SLC38A9: variants seen among roughly 807,000 people sequenced by gnomAD.
SLC38A9 encodes the protein solute carrier family 38 member 9.
SLC38A9 carries 48 observed loss-of-function variants against 62.3 expected under a neutral mutation model. The observed-to-expected ratio is 0.77, with a 90% CI of 0.61 to 0.98. SLC38A9 has a LOEUF of 0.98. Ranked by LOEUF, SLC38A9 falls within the 50% of genes least tolerant of loss-of-function variation. SLC38A9 has a pLI of 0.00. For missense variants in SLC38A9, 541 were observed against 679.8 expected (o/e 0.80, Z 2.27); for synonymous variants, 204 against 227.7 (o/e 0.90, Z 0.94).
intron 8 of SLC38A9, among the ~76,000 whole-genome samples, chr5:55,659,148 T>C (rs1358709373): frequency 6.6e-6 from 1 of 151,902 alleles, no homozygotes; most frequent in Non-Finnish European, 1.5e-5. Flanking sequence ...ACAACTGATA[T>C]CCCACAATAA....
intron 2 of SLC38A9, among the ~76,000 whole-genome samples, chr5:55,711,003 A>G (rs1359017248): frequency 6.6e-6 from 1 of 152,020 alleles, no homozygotes; most frequent in Non-Finnish European, 1.5e-5. Flanking sequence ...TATTAAAAAG[A>G]AAAAAGAGGC....
intron 8 of SLC38A9, 142 bp from the exon 9 acceptor site, chr5:55,656,916 A>G: frequency 5.2e-6 from 2 of 381,138 alleles, no homozygotes; most frequent in Non-Finnish European, 9.1e-6. Flanking sequence ...GCTAGAGTGC[A>G]GTGGCACGAT....
At chr5:55,680,885 G>T (rs934303041) in intron 3 of SLC38A9, among the ~76,000 whole-genome samples, 1 of 152,198 alleles carries the variant, frequency 6.6e-6, no homozygotes. Flanking sequence ...ATTGCTAGTC[G>T]CATTCTGCAG....
chr5:55,633,245 G>A (rs760087716), intron 14 of SLC38A9, among the ~76,000 whole-genome samples: 26 of 152,056 alleles, frequency 1.7e-4, no homozygotes, highest in Non-Finnish European at 2.9e-4. Context: ...GGGCTCAAGC[G>A]ATCCACACAC....
chr5:55,712,304 C>A lies in SLC38A9; in HGVS notation c.-170G>T, dbSNP rs532082695. Reference sequence around the variant, plus strand: ...ATTCTCGCAATTTGCGACCGCGGGGCTCCTAGTCCAAACAGGAAGCGGCAA... The same window carrying A: ...ATTCTCGCAATTTGCGACCGCGGGGATCCTAGTCCAAACAGGAAGCGGCAA... On this transcript the variant is annotated 5_prime_UTR_variant, in exon 1 of 16. Coordinates refer to ENST00000396865, the MANE Select transcript of SLC38A9 (RefSeq NM_173514.4). 2.6e-5 allele frequency: 4 copies of A among 152,872 alleles called. No homozygotes were observed. The East Asian group carries it at 5.8e-4, about 22-fold the overall frequency. The allele number at this position is 152,872 out of a possible 1,614,324, so 9.5% of individuals were successfully genotyped here.
intron 11 of SLC38A9, among the ~76,000 whole-genome samples, chr5:55,646,240 G>A (rs1351225727): frequency 6.6e-6 from 1 of 152,118 alleles, no homozygotes; most frequent in African/African-American, 2.4e-5. Context: ...GCGTGGTGGT[G>A]GAAGCCTGTA....
chr5:55,700,491 G>C (rs1756509031), intron 2 of SLC38A9, among the ~76,000 whole-genome samples: 1 of 151,988 alleles, frequency 6.6e-6, no homozygotes, highest in African/African-American at 2.4e-5. Flanking sequence ...TTATTTTAAG[G>C]TAACTATTAA....
chr5:55,667,265 A>AAC (rs1554059557), intron 7 of SLC38A9, among the ~76,000 whole-genome samples: 6 of 151,728 alleles, frequency 4.0e-5, no homozygotes, highest in African/African-American at 9.7e-5. Flanking sequence ...TCCAAAAAAA[A>AAC]CTGATTAATT....
intron 3 of SLC38A9, chr5:55,691,414 C>G: frequency 8.5e-7 from 1 of 1,179,394 alleles, no homozygotes; most frequent in South Asian, 3.3e-5. Context: ...ACTGGGCATA[C>G]AGAGAAGGAT....
intron 2 of SLC38A9, among the ~76,000 whole-genome samples, chr5:55,703,495 A>G (rs373371655): frequency 1.4e-4 from 22 of 152,342 alleles, no homozygotes; most frequent in African/African-American, 5.0e-4. Flanking sequence ...AATGTTCTTG[A>G]CTATAAAGTA....
intron 2 of SLC38A9, among the ~76,000 whole-genome samples, chr5:55,708,652 A>G (rs1205992994): frequency 1.3e-5 from 2 of 152,256 alleles, no homozygotes; most frequent in Non-Finnish European, 2.9e-5. Context: ...CTAAAAATGA[A>G]TATTACTGAA....
chr5:55,632,813 C>G (rs1253790473), intron 14 of SLC38A9, among the ~76,000 whole-genome samples: 2 of 152,156 alleles, frequency 1.3e-5, no homozygotes, highest in Non-Finnish European at 2.9e-5. Flanking sequence ...GAAAAAAACA[C>G]ATGCTCAGAG....
intron 9 of SLC38A9, among the ~76,000 whole-genome samples, chr5:55,655,763 A>G (rs1459886880): frequency 6.6e-6 from 1 of 152,182 alleles, no homozygotes; most frequent in Non-Finnish European, 1.5e-5. Flanking sequence ...ATCAATGTGC[A>G]TCTCCATCAA....
chr5:55,660,757 C>G (rs1749369760), intron 8 of SLC38A9, among the ~76,000 whole-genome samples: 1 of 151,796 alleles, frequency 6.6e-6, no homozygotes, highest in Admixed American at 6.6e-5. Flanking sequence ...GCATACAGTT[C>G]ATAAAGAGAT....
intron 3 of SLC38A9, among the ~76,000 whole-genome samples, chr5:55,684,280 G>A (rs1351367683): frequency 6.6e-6 from 1 of 151,874 alleles, no homozygotes; most frequent in South Asian, 2.1e-4. Flanking sequence ...ATCTTGTCCT[G>A]GCTTCTCTTA....
chr5:55,646,520 A>G (rs1272717002), intron 11 of SLC38A9, among the ~76,000 whole-genome samples: 1 of 152,200 alleles, frequency 6.6e-6, no homozygotes. Flanking sequence ...TTGCCAGAAA[A>G]GTACCTCTAG....
intron 2 of SLC38A9, among the ~76,000 whole-genome samples, chr5:55,706,818 C>A (rs2150724814): frequency 6.6e-6 from 1 of 152,110 alleles, no homozygotes; most frequent in African/African-American, 2.4e-5. Context: ...CACACAGAGC[C>A]AAGGTGGAAT....
intron 3 of SLC38A9, among the ~76,000 whole-genome samples, chr5:55,689,775 T>C (rs545776092): frequency 6.6e-6 from 1 of 152,312 alleles, no homozygotes; most frequent in South Asian, 2.1e-4. Context: ...GACTTTATGA[T>C]GGTTTTATCT....
chr5:55,645,129 C>T (rs565541682), intron 12 of SLC38A9, among the ~76,000 whole-genome samples: 161 of 152,302 alleles, frequency 1.1e-3, no homozygotes, highest in African/African-American at 3.7e-3. Flanking sequence ...GGCATGAACA[C>T]AGTTCACCAC....
Sources: allele counts gnomAD v4.1 joint callset (sites outside exome capture counted in the v4.1 genomes callset), GRCh38; gene constraint gnomAD v4.1.1; transcripts MANE v1.5; gene names NCBI Gene and HGNC (gene_info 2026-07-23, HGNC 2026-07-21).